SIK2: variants seen among roughly 807,000 people sequenced by gnomAD.
SIK2 encodes serine/threonine-protein kinase SIK2.
A neutral mutation model predicts 103.2 loss-of-function variants in SIK2; 29 were observed. The ratio of observed to expected loss-of-function variants is 0.28; its 90% CI spans 0.21 to 0.38. The LOEUF is 0.38. SIK2 is among the 10% of genes least tolerant of loss of function. SIK2 has a pLI of 1.00. For missense variants in SIK2, 879 were observed against 1,171.0 expected, an observed-to-expected ratio of 0.75 and a Z score of 3.64; for synonymous variants, 412 against 446.1, an observed-to-expected ratio of 0.92 and a Z score of 0.96.
At chr11:111,707,597 CAG>C in intron 8 of SIK2, among the ~76,000 whole-genome samples, 1 of 152,278 alleles carries the variant, frequency 6.6e-6, no homozygotes, top group East Asian at 1.9e-4. Flanking sequence ...CCCCTCCTCT[CAG>C]AGATTTCACA....
rs1006392242 is a variant in SIK2 at position 111,724,526 on chromosome 11, A to G, written c.*397A>G. Reference sequence around the variant, plus strand: ...GTGTGCTATTGCATATATATGGGGGAAAAGGCAATATATTTTTCACTGAAG... The same window carrying G: ...GTGTGCTATTGCATATATATGGGGGGAAAGGCAATATATTTTTCACTGAAG... On this transcript the variant is annotated 3_prime_UTR_variant, in exon 15 of 15. Coordinates refer to ENST00000304987, the MANE Select transcript of SIK2 (RefSeq NM_015191.3). The G allele has an allele frequency of 6.2e-5, 11 of 178,036 alleles. No homozygotes were observed. Among genetic ancestry groups the G allele is most frequent in the South Asian group, 1.5e-4 (1 of 6,576 alleles). 11.0% of individuals were successfully genotyped at this position (178,036 alleles called of 1,614,324 possible).
At chr11:111,635,428 G>GAGGA (rs1261685402) in intron 3 of SIK2, among the ~76,000 whole-genome samples, 3 of 115,946 alleles carry the variant, frequency 2.6e-5, no homozygotes, top group Non-Finnish European at 3.5e-5. Context: ...AGGGAGGGGG[G>GAGGA]AGGAAGGAAG....
chr11:111,616,895 A>G (rs1038603063), intron 2 of SIK2, among the ~76,000 whole-genome samples: 9 of 152,106 alleles, frequency 5.9e-5, no homozygotes, highest in Non-Finnish European at 1.3e-4. Context: ...TTTTGGTGCT[A>G]CTGCCTAATA....
intron 1 of SIK2, among the ~76,000 whole-genome samples, chr11:111,609,845 T>C (rs1415930650): frequency 2.0e-5 from 3 of 152,206 alleles, no homozygotes; most frequent in Non-Finnish European, 2.9e-5. Flanking sequence ...CCACCAATGA[T>C]TTGTTGTATA....
At chr11:111,684,981 G>A (rs1471829941) in intron 3 of SIK2, among the ~76,000 whole-genome samples, 1 of 152,198 alleles carries the variant, frequency 6.6e-6, no homozygotes, top group African/African-American at 2.4e-5. Flanking sequence ...TTATACATGG[G>A]ATGCTTTGTG....
At chr11:111,615,283 T>C (rs1392711563) in intron 1 of SIK2, among the ~76,000 whole-genome samples, 2 of 122,604 alleles carry the variant, frequency 1.6e-5, no homozygotes, top group Admixed American at 1.7e-4. Context: ...AGACCCCATC[T>C]GCATTAAAAA....
intron 3 of SIK2, chr11:111,671,144 CT>C: frequency 9.7e-6 from 2 of 206,514 alleles, no homozygotes; most frequent in Non-Finnish European, 2.0e-5. Context: ...CTCAGCCCAC[CT>C]GAGTAGCCAC....
At position 111,723,813 on chromosome 11, in the gene SIK2, A is replaced by AGCC. The variant is rs2078347720; in HGVS notation, c.2469_2471dup (p.Pro832dup). On this transcript the variant is annotated inframe_insertion, in exon 15 of 15. Coordinates refer to ENST00000304987, the MANE Select transcript of SIK2 (RefSeq NM_015191.3). Reference sequence around the variant, plus strand: ...CTGCCCACGCAGCTACAGCAGCAGCAGCCGCCACCGCCACCACCCCCTCCA... The same window carrying AGCC: ...CTGCCCACGCAGCTACAGCAGCAGCAGCCGCCGCCACCGCCACCACCCCCTCCA... The AGCC allele has an allele frequency of 4.3e-6, 7 of 1,612,730 alleles. No individual in the cohort carries two copies. The highest frequency in any genetic ancestry group is 1.7e-5 in the Admixed American group (1 of 59,994).
At chr11:111,720,048 G>A in intron 10 of SIK2, 45 bp downstream of exon 10, 1 of 1,564,712 alleles carries the variant, frequency 6.4e-7, no homozygotes, top group Non-Finnish European at 8.7e-7. Flanking sequence ...ATGGCATCAT[G>A]TCATACTCCA....
At chr11:111,654,900 A>C (rs929720720) in intron 3 of SIK2, among the ~76,000 whole-genome samples, 8 of 152,186 alleles carry the variant, frequency 5.3e-5, no homozygotes, top group Non-Finnish European at 1.0e-4. Flanking sequence ...CTCCCCAGGT[A>C]GGGACTAGTT....
In SIK2 at chr11:111,607,331, C is replaced by T. The variant is rs546343559; in HGVS notation, c.135+4633C>T. Among the ~76,000 whole-genome samples the T allele has an allele frequency of 1.5e-3, 223 of 152,094 alleles. 1 individual carries two copies. Among genetic ancestry groups the T allele is most frequent in the Non-Finnish European group, 2.6e-3 (180 of 68,022 alleles). ...ATAGTTAGGCCTAATTCTTTACCAC[C>T]TTAAAATGTAAGATTTTTAAAAGGT... On this transcript the variant is annotated intron_variant, in intron 1 of 14. Coordinates refer to ENST00000304987, the MANE Select transcript of SIK2 (RefSeq NM_015191.3).
At chr11:111,704,874 T>G in intron 7 of SIK2, 113 bp from the exon 8 acceptor site, 1 of 1,275,654 alleles carries the variant, frequency 7.8e-7, no homozygotes, top group Non-Finnish European at 1.1e-6. Flanking sequence ...CACTTTGTTT[T>G]TCACCCTATT....
chr11:111,708,637 G>C (rs1428867155), intron 8 of SIK2, among the ~76,000 whole-genome samples: 2 of 152,066 alleles, frequency 1.3e-5, no homozygotes, highest in African/African-American at 4.8e-5. Flanking sequence ...CAAGGCCAGA[G>C]GACAGTGGCA....
At position 111,656,360 on chromosome 11, in the gene SIK2, G is replaced by A. The variant is rs565120351; in HGVS notation, c.317-31641G>A. On this transcript the variant is annotated intron_variant, in intron 3 of 14. Coordinates refer to ENST00000304987, the MANE Select transcript of SIK2 (RefSeq NM_015191.3). ...TTGTTCATTTACTAAGGAATGTGTT[G>A]TTTTTCAATTTACCAAGAAGGTTCA... Among the ~76,000 whole-genome samples, 4 of 152,196 alleles carry A rather than the reference G, an allele frequency of 2.6e-5. No homozygotes were observed. The South Asian group carries it at 8.3e-4, about 32-fold the overall frequency.
rs71057079 is a variant in SIK2 at position 111,622,247 on chromosome 11, CTTTTTTTTTTTTTTTTT to C, written c.316+1855_316+1871del. On this transcript the variant is annotated intron_variant, in intron 3 of 14. Coordinates refer to ENST00000304987, the MANE Select transcript of SIK2 (RefSeq NM_015191.3). ...TCTTTTGTCTGAAGGATTTTCTTTT[CTTTTTTTTTTTTTTTTT>C]TTTTTTTTTGAGGCAGAGTCTTGCT... 4.9e-5 allele frequency among the ~76,000 whole-genome samples: 3 copies of C among 61,454 alleles called. No homozygotes were observed. The South Asian group carries it at 2.5e-3, about 51-fold the overall frequency. 40.3% of individuals were successfully genotyped at this position (61,454 alleles called of 152,430 possible). A position where few individuals can be genotyped will look rare whatever the true frequency, so the allele number is the denominator to read the frequency against.
chr11:111,699,238 C>A (rs1943153662), intron 4 of SIK2, among the ~76,000 whole-genome samples: 1 of 152,116 alleles, frequency 6.6e-6, no homozygotes, highest in South Asian at 2.1e-4. Flanking sequence ...TGTTGTTCAC[C>A]AGGTTTAGAC....
chr11:111,641,296 C>T (rs1331707415), intron 3 of SIK2, among the ~76,000 whole-genome samples: 1 of 152,148 alleles, frequency 6.6e-6, no homozygotes, highest in Admixed American at 6.5e-5. Context: ...TTACGTTTCC[C>T]TAAATTCCAG....
At chr11:111,657,825 G>A (rs1375197090) in intron 3 of SIK2, among the ~76,000 whole-genome samples, 2 of 152,116 alleles carry the variant, frequency 1.3e-5, no homozygotes, top group Non-Finnish European at 2.9e-5. Flanking sequence ...TGAGAACAAA[G>A]CAGTTCAGGT....
intron 2 of SIK2, 51 bp from the exon 3 acceptor site, chr11:111,620,288 G>A: frequency 8.4e-7 from 1 of 1,184,004 alleles, no homozygotes; most frequent in Non-Finnish European, 1.2e-6. Flanking sequence ...GAATATTGTG[G>A]AAAATTCCAG....
Sources: gnomAD v4.1 joint callset for allele counts (sites outside exome capture counted in the v4.1 genomes callset) on GRCh38, gnomAD v4.1.1 for gene constraint, MANE v1.5 for transcripts, NCBI Gene and HGNC (gene_info 2026-07-23, HGNC 2026-07-21) for gene names.